GRM7: variants seen among roughly 807,000 people sequenced by gnomAD.
GRM7 encodes glutamate metabotropic receptor 7, also known as metabotropic glutamate receptor 7.
In GRM7, 35 loss-of-function variants were observed where a neutral mutation model predicts 84.5. The ratio of observed to expected loss-of-function variants is 0.41; its 90% CI spans 0.32 to 0.55. The LOEUF is 0.55. Ranked by LOEUF, GRM7 falls within the 20% of genes least tolerant of loss-of-function variation. GRM7 has a pLI of 0.19. For missense variants in GRM7, 1,003 were observed against 1,194.6 expected (o/e 0.84, Z 2.36); for synonymous variants, 487 against 455.1 (o/e 1.07, Z -0.89).
chr3:7,116,450 T>A (rs779588989), intron 1 of GRM7, among the ~76,000 whole-genome samples: 18 of 152,248 alleles, frequency 1.2e-4, no homozygotes, highest in Non-Finnish European at 2.1e-4. Flanking sequence ...AGTGGGAAAG[T>A]CACACATTTT....
chr3:7,505,113 G>A (rs980822110), intron 7 of GRM7, among the ~76,000 whole-genome samples: 1 of 152,200 alleles, frequency 6.6e-6, no homozygotes, highest in African/African-American at 2.4e-5. Flanking sequence ...CTGGTTCCAA[G>A]TAAGTCAAAA....
intron 2 of GRM7, among the ~76,000 whole-genome samples, chr3:7,191,465 A>G (rs1307969105): frequency 1.3e-5 from 2 of 152,114 alleles, no homozygotes; most frequent in East Asian, 3.8e-4. Context: ...TTCTATGCAC[A>G]TATTTATTGC....
intron 1 of GRM7, among the ~76,000 whole-genome samples, chr3:6,917,491 T>C (rs1340167956): frequency 7.9e-6 from 1 of 126,428 alleles, no homozygotes; most frequent in East Asian, 2.2e-4. Flanking sequence ...GTTTTGTTAA[T>C]TGCTTTTTTT....
intron 7 of GRM7, among the ~76,000 whole-genome samples, chr3:7,571,753 T>A (rs1399942291): frequency 6.6e-6 from 1 of 152,136 alleles, no homozygotes; most frequent in African/African-American, 2.4e-5. Flanking sequence ...CTGGTACCAG[T>A]TTACTGTATT....
At chr3:7,172,924 A>G (rs1695032160) in intron 2 of GRM7, among the ~76,000 whole-genome samples, 1 of 152,118 alleles carries the variant, frequency 6.6e-6, no homozygotes, top group African/African-American at 2.4e-5. Flanking sequence ...TATCTATGCT[A>G]TTATAATAAT....
chr3:7,272,143 GT>G, intron 2 of GRM7, among the ~76,000 whole-genome samples: 1 of 152,118 alleles, frequency 6.6e-6, no homozygotes, highest in Non-Finnish European at 1.5e-5. Flanking sequence ...TCTATTACAT[GT>G]TTTTCCTCTC....
At chr3:7,246,304 G>A (rs535982559) in intron 2 of GRM7, among the ~76,000 whole-genome samples, 3 of 152,242 alleles carry the variant, frequency 2.0e-5, no homozygotes, top group African/African-American at 7.2e-5. Flanking sequence ...AGTACTATAA[G>A]TACCCGGTGG....
intron 7 of GRM7, among the ~76,000 whole-genome samples, chr3:7,559,535 G>T (rs1220570486): frequency 6.6e-6 from 1 of 152,030 alleles, no homozygotes; most frequent in African/African-American, 2.4e-5. Context: ...TAACCCTTCT[G>T]AGAGAATCTT....
chr3:7,057,254 C>A (rs1697260054), intron 1 of GRM7, among the ~76,000 whole-genome samples: 1 of 151,830 alleles, frequency 6.6e-6, no homozygotes, highest in Admixed American at 6.6e-5. Context: ...TGGAGAAGTT[C>A]ATTTAATTAC....
intron 1 of GRM7, among the ~76,000 whole-genome samples, chr3:6,889,492 T>C (rs1695845154): frequency 1.3e-5 from 2 of 152,050 alleles, no homozygotes; most frequent in South Asian, 2.1e-4. Flanking sequence ...GAGATAATCA[T>C]GTGGTTTTTG....
At chr3:7,709,894 T>TATG (rs1330373541) in intron 9 of GRM7, among the ~76,000 whole-genome samples, 23 of 152,102 alleles carry the variant, frequency 1.5e-4, no homozygotes, top group Non-Finnish European at 2.2e-4. Context: ...CAGGTCCACC[T>TATG]TTCATTCCCC....
At chr3:7,383,583 C>G (rs2125132284) in intron 4 of GRM7, among the ~76,000 whole-genome samples, 1 of 152,206 alleles carries the variant, frequency 6.6e-6, no homozygotes, top group Non-Finnish European at 1.5e-5. Flanking sequence ...GCCCTAAAGA[C>G]TAACAAACTT....
intron 7 of GRM7, among the ~76,000 whole-genome samples, chr3:7,544,256 G>A (rs1230706800): frequency 6.6e-6 from 1 of 152,184 alleles, no homozygotes; most frequent in African/African-American, 2.4e-5. Flanking sequence ...TCGAACTCCG[G>A]GGCTCAAGGG....
intron 7 of GRM7, among the ~76,000 whole-genome samples, chr3:7,491,113 C>G (rs935681460): frequency 1.3e-5 from 2 of 151,776 alleles, no homozygotes; most frequent in Non-Finnish European, 2.9e-5. Flanking sequence ...ATCTACTTAT[C>G]ACTAAGTTTC....
chr3:7,527,224 T>C (rs1026154883), intron 7 of GRM7, among the ~76,000 whole-genome samples: 3 of 152,062 alleles, frequency 2.0e-5, no homozygotes, highest in Non-Finnish European at 2.9e-5. Context: ...ATAGTTCTCT[T>C]TCTAGAGATC....
chr3:7,524,021 G>A (rs1700699013), intron 7 of GRM7, among the ~76,000 whole-genome samples: 1 of 152,116 alleles, frequency 6.6e-6, no homozygotes, highest in East Asian at 1.9e-4. Context: ...AGATCACGGA[G>A]GCTAGGAGGG....
intron 8 of GRM7, among the ~76,000 whole-genome samples, chr3:7,600,705 C>G (rs1048752281): frequency 2.6e-5 from 4 of 152,030 alleles, no homozygotes; most frequent in African/African-American, 7.2e-5. Flanking sequence ...TATAGTTTGC[C>G]CATATCATCT....
chr3:7,272,827 T>C (rs1052245380), intron 2 of GRM7, among the ~76,000 whole-genome samples: 2 of 152,100 alleles, frequency 1.3e-5, no homozygotes, highest in African/African-American at 4.8e-5. Flanking sequence ...TCTCTAGCAA[T>C]GATATGTTTT....
chr3:7,414,422 G>A (rs1696072225), intron 4 of GRM7, among the ~76,000 whole-genome samples: 1 of 151,888 alleles, frequency 6.6e-6, no homozygotes, highest in African/African-American at 2.4e-5. Context: ...TTGGGACACT[G>A]AATCCCGTAT....
Sources: allele counts gnomAD v4.1 joint callset (sites outside exome capture counted in the v4.1 genomes callset), GRCh38; gene constraint gnomAD v4.1.1; transcripts MANE v1.5; gene names NCBI Gene and HGNC (gene_info 2026-07-23, HGNC 2026-07-21).